The following TNS1 variants were observed in gnomAD, a reference collection of about 807,000 sequenced individuals.
TNS1 encodes tensin 1.
In TNS1, 62 loss-of-function variants were observed where a neutral mutation model predicts 168.6. The observed-to-expected ratio is 0.37, with a 90% CI of 0.30 to 0.45. The LOEUF (loss-of-function observed/expected upper bound fraction) is 0.45. Among genes scored for constraint, TNS1 ranks in the 20% least tolerant of loss-of-function variants. The probability of loss-of-function intolerance (pLI) is 1.00; values close to 1 mark genes in which losing one functional copy is unlikely to be tolerated. For synonymous variants in TNS1, 934 were observed against 933.2 expected (o/e 1.00, Z -0.02); for missense variants, 2,240 against 2,339.4 (o/e 0.96, Z 0.88).
chr2:218,010,170 G>A (rs1958692947), exon 1 of TNS1: 1 of 399,186 alleles, frequency 2.5e-6, no homozygotes, highest in Non-Finnish European at 4.4e-6. Flanking sequence ...GATCACGCAG[G>A]AGAAGCACCA....
chr2:217,940,705 C>T (rs1482507637), intron 3 of TNS1, among the ~76,000 whole-genome samples: 5 of 152,184 alleles, frequency 3.3e-5, no homozygotes, highest in Admixed American at 3.3e-4. Flanking sequence ...CAATCTCCTA[C>T]TGTGTCACCC....
At chr2:217,815,110 G>T in intron 24 of TNS1, 112 bp from the exon 25 acceptor site, 1 of 822,670 alleles carries the variant, frequency 1.2e-6, no homozygotes, top group Non-Finnish European at 2.0e-6. Context: ...TGGAAATAGG[G>T]TCTTTGCAGA....
intron 3 of TNS1, among the ~76,000 whole-genome samples, chr2:217,956,587 C>G (rs928822772): frequency 6.6e-6 from 1 of 152,124 alleles, no homozygotes. Flanking sequence ...TCTCTTTCTC[C>G]CCCTGTAACC....
At chr2:217,932,971 A>C (rs1956401845) in intron 3 of TNS1, among the ~76,000 whole-genome samples, 1 of 152,136 alleles carries the variant, frequency 6.6e-6, no homozygotes. Context: ...GAGCCCCCGC[A>C]AGCAGAAAGT....
chr2:217,845,484 A>G (rs1006529195), intron 19 of TNS1, among the ~76,000 whole-genome samples: 1 of 152,254 alleles, frequency 6.6e-6, no homozygotes, highest in African/African-American at 2.4e-5. Flanking sequence ...AAATTCTGTC[A>G]TAATGACAGG....
intron 22 of TNS1, among the ~76,000 whole-genome samples, chr2:217,826,255 C>A (rs1943601563): frequency 6.6e-6 from 1 of 152,206 alleles, no homozygotes; most frequent in Admixed American, 6.5e-5. Context: ...TTCCTGAGTT[C>A]ATCTCCAGAA....
chr2:217,835,275 C>G, intron 20 of TNS1, 109 bp from the exon 21 acceptor site: 1 of 1,018,308 alleles, frequency 9.8e-7, no homozygotes, highest in Non-Finnish European at 1.4e-6. Flanking sequence ...CCCACATCCC[C>G]TCGTCAGCCT....
At chr2:217,952,664 G>C (rs184964756) in intron 3 of TNS1, among the ~76,000 whole-genome samples, 5 of 152,312 alleles carry the variant, frequency 3.3e-5, no homozygotes, top group African/African-American at 1.2e-4. Context: ...GTGGACACTT[G>C]ACCTTTACGC....
upstream of TNS1, among the ~76,000 whole-genome samples, chr2:218,014,916 G>GC (rs1299012787): frequency 2.5e-5 from 2 of 80,744 alleles, no homozygotes; most frequent in African/African-American, 4.3e-5. Flanking sequence ...AGGAAGGAAG[G>GC]AAGGAAGGCA....
At chr2:217,832,946 A>T (rs988389597) in intron 21 of TNS1, among the ~76,000 whole-genome samples, 2 of 152,068 alleles carry the variant, frequency 1.3e-5, no homozygotes, top group African/African-American at 4.8e-5. Flanking sequence ...AAACACACAC[A>T]CACACACATA....
chr2:217,978,895 G>A (rs1213207119), intron 2 of TNS1, 93 bp from the exon 3 acceptor site: 2 of 695,596 alleles, frequency 2.9e-6, no homozygotes, highest in East Asian at 5.4e-5. Context: ...CCCGCAATCC[G>A]CGCTCGGGAA....
chr2:217,835,044 G>A, intron 21 of TNS1, 47 bp downstream of exon 21: 1 of 1,513,860 alleles, frequency 6.6e-7, no homozygotes, highest in Non-Finnish European at 8.8e-7. Flanking sequence ...TTGAGCTGAG[G>A]GGCTGGAGGG....
chr2:218,000,278 A>T (rs1958538118), intron 1 of TNS1, among the ~76,000 whole-genome samples: 1 of 152,258 alleles, frequency 6.6e-6, no homozygotes, highest in Non-Finnish European at 1.5e-5. Flanking sequence ...ATACAGGAAC[A>T]TGTGAACCAA....
chr2:218,003,127 C>A (rs1958598850), upstream of TNS1: 2 of 360,764 alleles, frequency 5.5e-6, no homozygotes, highest in South Asian at 2.0e-5. Flanking sequence ...GGGTCAGGAA[C>A]CCTGCTTTGC....
chr2:217,904,361 G>T (rs1953401436), intron 6 of TNS1, among the ~76,000 whole-genome samples: 1 of 152,170 alleles, frequency 6.6e-6, no homozygotes, highest in Non-Finnish European at 1.5e-5. Context: ...ACAGCAGCAG[G>T]CCCAGGTCCT....
At chr2:217,957,049 G>A in intron 3 of TNS1, among the ~76,000 whole-genome samples, 1 of 152,194 alleles carries the variant, frequency 6.6e-6, no homozygotes, top group Admixed American at 6.5e-5. Flanking sequence ...AGCAATGAAA[G>A]CACAGGCTGG....
intron 20 of TNS1, among the ~76,000 whole-genome samples, 182 bp downstream of exon 20, chr2:217,835,833 C>A (rs532944083): frequency 6.6e-6 from 1 of 152,238 alleles, no homozygotes; most frequent in South Asian, 2.1e-4. Context: ...GAAGTGGGAA[C>A]ATAGAGCTAT....
Position 217,803,685 on chromosome 2 carries a change from C to T in TNS1, c.*774G>A, listed in dbSNP as rs973365501. 6.5e-6 allele frequency: 1 copy of T among 152,672 alleles called. No homozygotes were observed. The highest frequency in any genetic ancestry group is 2.4e-5 in the African/African-American group (1 of 41,440). The allele number at this position is 152,672 out of a possible 1,614,324, so 9.5% of individuals were successfully genotyped here. A position where few individuals can be genotyped will look rare whatever the true frequency, so the allele number is the denominator to read the frequency against. ...GTCACTAGAGTGCAGGTGCAGGCAC[C>T]AGGAGAGAGCCTCTGTCACCCATAG... On this transcript the variant is annotated 3_prime_UTR_variant, in exon 33 of 33. Transcript: ENST00000682258.
intron 24 of TNS1, among the ~76,000 whole-genome samples, chr2:217,817,209 G>A (rs757174430): frequency 6.6e-6 from 1 of 152,094 alleles, no homozygotes; most frequent in Non-Finnish European, 1.5e-5. Flanking sequence ...TTGGGGTGGC[G>A]TGGCCTGGAT....
Sources: allele counts gnomAD v4.1 joint callset (sites outside exome capture counted in the v4.1 genomes callset), GRCh38; gene constraint gnomAD v4.1.1; transcripts MANE v1.5; gene names NCBI Gene and HGNC (gene_info 2026-07-23, HGNC 2026-07-21).